The following LAMA5 variants were observed in gnomAD, a reference collection of about 807,000 sequenced individuals.
LAMA5 encodes the protein laminin subunit alpha-5.
LAMA5 carries 260 observed loss-of-function variants against 433.4 expected under a neutral mutation model. That is an observed-to-expected ratio of 0.60 (90% CI 0.54 to 0.66). The LOEUF (loss-of-function observed/expected upper bound fraction) is 0.66, where lower values mean the gene tolerates loss of function less well. Ranked by LOEUF, LAMA5 falls within the 30% of genes least tolerant of loss-of-function variation. The pLI, the probability that LAMA5 is intolerant of heterozygous loss-of-function variation, is 0.00. For synonymous variants in LAMA5, 2,620 were observed against 2,226.6 expected, an observed-to-expected ratio of 1.18 and a Z score of -4.97; for missense variants, 5,378 against 5,258.5, an observed-to-expected ratio of 1.02 and a Z score of -0.70.
chr20:62,310,979 C>T lies in LAMA5; in HGVS notation c.10204G>A (p.Val3402Ile), dbSNP rs749855835. The change falls in exon 74 of 80, where the codon GTT (valine) becomes ATT (isoleucine). Residue 3402 changes from valine (V) to isoleucine (I), a missense_variant. Val to Ile is a conservative substitution (Grantham distance 29, BLOSUM62 3). Transcript: ENST00000252999. ...GTCCCGAGGCCTTCCATCTGTGCAA[C>T]GAAGTGGCCATTGCTCAGGAAGAGC... Reference protein sequence around the residue: ...LALFLSNGHFVAQMEGLGTRL... With the variant: ...LALFLSNGHFIAQMEGLGTRL... 1 of 1,611,546 alleles carries T rather than the reference C, an allele frequency of 6.2e-7. No individual in the cohort carries two copies. The highest frequency in any genetic ancestry group is 2.2e-5 in the East Asian group (1 of 44,862).
chr20:62,318,313 GA>G, intron 53 of LAMA5, 140 bp downstream of exon 53: 3 of 399,100 alleles, frequency 7.5e-6, no homozygotes, highest in South Asian at 2.8e-5. Context: ...GGAAGAAGAG[GA>G]GGAGGGGGGG....
rs1216825007 is a variant in LAMA5 at position 62,319,223 on chromosome 20, C to G, written c.6872-210G>C. 1.6e-5 allele frequency: 9 copies of G among 577,648 alleles called. No individual in the cohort carries two copies. The South Asian group carries it at 1.7e-4, about 11-fold the overall frequency. 35.8% of individuals were successfully genotyped at this position (577,648 alleles called of 1,614,324 possible). A position where few individuals can be genotyped will look rare whatever the true frequency, so the allele number is the denominator to read the frequency against. ...TCACCTCCTGCAGTGCCTCCAACAC[C>G]CTGACACCAGTCTGCTCAGCCAGCT... On this transcript the variant is annotated intron_variant, in intron 51 of 79. Coordinates refer to ENST00000252999, the MANE Select transcript of LAMA5 (RefSeq NM_005560.6).
chr20:62,330,264 G>GGGCTTCCCAACGC (rs1374921169), intron 31 of LAMA5, among the ~76,000 whole-genome samples: 10 of 152,392 alleles, frequency 6.6e-5, no homozygotes, highest in Admixed American at 1.3e-4. Flanking sequence ...GAGCACAACG[G>GGGCTTCCCAACGC]GGCTTCCCAA....
chr20:62,321,213 GGGGGCCAGTGGAGGAGGC>G (rs1987685095), intron 48 of LAMA5, among the ~76,000 whole-genome samples: 1 of 131,136 alleles, frequency 7.6e-6, no homozygotes, highest in Admixed American at 7.5e-5. Context: ...TGGAGGAAGA[GGGGGCCAGTGGAGGAGGC>G]GGGGCCTGTG....
intron 32 of LAMA5, 76 bp downstream of exon 32, chr20:62,329,701 A>G: frequency 6.4e-7 from 1 of 1,556,576 alleles, no homozygotes; most frequent in Non-Finnish European, 8.8e-7. Context: ...AGACAGACCC[A>G]GCCCAAGTGT....
chr20:62,320,580 G>A lies in LAMA5; in HGVS notation c.6738C>T (p.Asp2246=), dbSNP rs186551655. 4.4e-5 allele frequency: 70 copies of A among 1,601,396 alleles called. No individual in the cohort carries two copies. Among genetic ancestry groups the A allele is most frequent in the East Asian group, 4.0e-4 (18 of 44,700 alleles). ...LEQQSTSLGQ[D]ARRLGGQAVG... ...CTGCCTGGCCGCCTAGCCGCCGTGC[G>A]TCCTGCCCGAGGCTTGTGCTCTGCT... Residue 2246 remains aspartate, a synonymous_variant, in exon 50 of 80, where the codon GAC becomes GAT. Transcript: ENST00000252999.
intron 68 of LAMA5, 38 bp downstream of exon 68, chr20:62,312,362 C>T (rs762676311): frequency 2.8e-5 from 45 of 1,601,096 alleles, no homozygotes; most frequent in Non-Finnish European, 3.6e-5. Context: ...CCCTGCATGT[C>T]CACAGATGCC....
In LAMA5 at chr20:62,351,722, T is replaced by C; in HGVS notation, c.938A>G (p.Asp313Gly). The C allele has an allele frequency of 6.2e-7, 1 of 1,611,190 alleles. No individual in the cohort carries two copies. The highest frequency in any genetic ancestry group is 8.5e-7 in the Non-Finnish European group (1 of 1,179,662). The change falls in exon 6 of 80, where the codon GAC becomes GGC. Residue 313 changes from aspartate to glycine, a missense_variant. By Grantham distance (94) the Asp-to-Gly change is moderately conservative. Coordinates refer to ENST00000252999, the MANE Select transcript of LAMA5 (RefSeq NM_005560.6). The stretch of plus-strand genomic sequence containing the variant: ...GCCTCACCTGAACGGGTCCGTGGGG[T>C]CTTTGGCATCGCAGGCATCCGCGTG... ...HGHADACDAK[D>G]PTDPFRLQCT...
In LAMA5 at chr20:62,309,350, A is replaced by AGCCACTGGCC. The variant is rs1347804207; in HGVS notation, c.11064_11073dup (p.Cys3692GlyfsTer43). 1.3e-6 allele frequency: 2 copies of AGCCACTGGCC among 1,591,284 alleles called. No homozygotes were observed. The highest frequency in any genetic ancestry group is 3.4e-5 in the Admixed American group (2 of 59,278). ...TTGGCTGTGTCCTAGGCGGCTGGGC[A>AGCCACTGGCC]GCCACTGGCCCCCACTGCCCCGTGG... On this transcript the variant is annotated frameshift_variant, in exon 80 of 80. Transcript: ENST00000252999. LOFTEE classifies it high-confidence loss of function.
chr20:62,361,095 CG>C (rs1398899519), intron 2 of LAMA5, among the ~76,000 whole-genome samples: 3 of 152,112 alleles, frequency 2.0e-5, no homozygotes, highest in African/African-American at 7.2e-5. Context: ...CTTCCCGCCC[CG>C]AGCAGCTGAG....
In LAMA5 at chr20:62,353,268, C is replaced by T. The variant is rs568658686; in HGVS notation, c.451-17G>A. The T allele has an allele frequency of 3.6e-5, 56 of 1,565,532 alleles. No homozygotes were observed. Among genetic ancestry groups the T allele is most frequent in the South Asian group, 1.3e-4 (11 of 86,386 alleles). ...GTGGAAGACCTGTGGGCCGAGAGGGCGTCAGGGGAGCCAGGGGCGCCTGGA... is the reference window on the plus strand; with the variant it reads ...GTGGAAGACCTGTGGGCCGAGAGGGTGTCAGGGGAGCCAGGGGCGCCTGGA... On this transcript the variant is annotated splice_polypyrimidine_tract_variant and intron_variant, in intron 2 of 79. Transcript: ENST00000252999.
intron 12 of LAMA5, 48 bp from the exon 13 acceptor site, chr20:62,338,417 A>G: frequency 6.2e-7 from 1 of 1,607,976 alleles, no homozygotes; most frequent in Non-Finnish European, 8.5e-7. Flanking sequence ...ACCAGGCCTC[A>G]GGTGTCCACC....
rs1979894152 is a variant in LAMA5, at chr20:62,329,268, C to G, written c.4120-15G>C. 6.3e-7 allele frequency: 1 copy of G among 1,583,054 alleles called. No individual in the cohort carries two copies. Among genetic ancestry groups the G allele is most frequent in the African/African-American group, 1.3e-5 (1 of 74,302 alleles). ...AGTACATAATCCTAGGGGGTGAGGC[C>G]TGGTCACTCTCCCGCGGGCCCAGAG... On this transcript the variant is annotated splice_polypyrimidine_tract_variant and intron_variant, in intron 32 of 79. Coordinates refer to ENST00000252999, the MANE Select transcript of LAMA5 (RefSeq NM_005560.6).
Position 62,325,308 on chromosome 20 carries a change from A to G in LAMA5, c.5529+8T>C. On this transcript the variant is annotated splice_region_variant and intron_variant, in intron 41 of 79. Transcript: ENST00000252999. ...CCGCCTCGCAGTCTGGTGCTGTCCT[A>G]ACCTCACCTGGCATGAGTCCCCCCG... 1 of 1,564,984 alleles carries G rather than the reference A, an allele frequency of 6.4e-7. No homozygotes were observed. Among genetic ancestry groups the G allele is most frequent in the Non-Finnish European group, 8.7e-7 (1 of 1,151,258 alleles).
rs766068254 is a variant in LAMA5, at chr20:62,338,184, G to T, written c.1757-34C>A. ...CGGAGCGGGTGTCACGGTAGGCCAG[G>T]CCCACGGGCCTCCCCTACCCACGCC... On this transcript the variant is annotated intron_variant, in intron 13 of 79. Transcript: ENST00000252999. 33 of 1,569,048 alleles carry T rather than the reference G, an allele frequency of 2.1e-5. No individual in the cohort carries two copies. In the East Asian group the frequency reaches 7.0e-4, roughly 33 times the overall value.
intron 62 of LAMA5, 68 bp downstream of exon 62, chr20:62,314,236 G>A (rs1986683877): frequency 2.6e-6 from 4 of 1,553,970 alleles, no homozygotes; most frequent in African/African-American, 1.4e-5. Flanking sequence ...ACACGGAGAG[G>A]GGAGAGATGG....
rs199798998 is a variant in LAMA5, at chr20:62,320,849, G to A, written c.6538C>T (p.Arg2180Trp). Reference sequence around the variant, plus strand: ...ATGGCGGGGAGGAGGGCGCCGGCCCGTTCCAGGTCATCCAGGAGCAGGACC... The same window carrying A: ...ATGGCGGGGAGGAGGGCGCCGGCCCATTCCAGGTCATCCAGGAGCAGGACC... ...CVVLLLDDLE[R>W]AGALLPAIHE... Residue 2180 changes from arginine (R) to tryptophan (W), a missense_variant, in exon 49 of 80, where the codon CGG (arginine) becomes TGG (tryptophan). Transcript: ENST00000252999. 2.7e-5 allele frequency: 44 copies of A among 1,612,154 alleles called. No homozygotes were observed. Among genetic ancestry groups the A allele is most frequent in the Admixed American group, 1.8e-4 (11 of 59,860 alleles).
intron 2 of LAMA5, among the ~76,000 whole-genome samples, chr20:62,358,929 C>T (rs1985634854): frequency 1.3e-5 from 2 of 152,162 alleles, no homozygotes; most frequent in South Asian, 4.1e-4. Flanking sequence ...CTCCACCATC[C>T]CCAGGGGCAC....
rs368875600 is a variant in LAMA5, at chr20:62,346,954, G to A, written c.1031C>T (p.Pro344Leu). 1.0e-4 allele frequency: 165 copies of A among 1,612,706 alleles called. No homozygotes were observed. Among genetic ancestry groups the A allele is most frequent in the Non-Finnish European group, 1.3e-4 (150 of 1,179,942 alleles). ...ACTGTTGGCAGTCGCAGGCTTCCACGGCTGCTGATTGAAGCCGGGGCAGCA... is the reference window on the plus strand; with the variant it reads ...ACTGTTGGCAGTCGCAGGCTTCCACAGCTGCTGATTGAAGCCGGGGCAGCA... ...DRCCPGFNQQ[P>L]WKPATANSAN... is the part of the protein sequence containing the mutation. The change falls in exon 7 of 80, where the codon CCG becomes CTG. Residue 344 changes from proline (P) to leucine (L), a missense_variant. Coordinates refer to ENST00000252999, the MANE Select transcript of LAMA5 (RefSeq NM_005560.6).
Sources: allele counts gnomAD v4.1 joint callset (sites outside exome capture counted in the v4.1 genomes callset), GRCh38; gene constraint gnomAD v4.1.1; transcripts MANE v1.5; gene names NCBI Gene and HGNC (gene_info 2026-07-23, HGNC 2026-07-21).